CSMD1: variants seen among roughly 807,000 people sequenced by gnomAD.
CSMD1 encodes CUB and Sushi multiple domains 1.
Under a neutral mutation model 417.5 loss-of-function variants are expected in CSMD1, and 213 were observed. The ratio of observed to expected loss-of-function variants is 0.51; its 90% confidence interval spans 0.46 to 0.57. The LOEUF (loss-of-function observed/expected upper bound fraction) is 0.57. Ranked by LOEUF, CSMD1 falls within the 20% of genes least tolerant of loss-of-function variation. The pLI is 0.00. For synonymous variants in CSMD1, 2,862 were observed against 1,736.8 expected, an observed-to-expected ratio of 1.65 and a Z score of -16.11; for missense variants, 6,923 against 4,529.7, an observed-to-expected ratio of 1.53 and a Z score of -15.17.
chr8:4,225,257 T>C (rs910705970), intron 3 of CSMD1, among the ~76,000 whole-genome samples: 3 of 152,234 alleles, frequency 2.0e-5, no homozygotes, highest in Admixed American at 1.3e-4. Context: ...AACCATCATT[T>C]TCTTCAAAAT....
At chr8:3,937,713 T>C (rs907821005) in intron 5 of CSMD1, among the ~76,000 whole-genome samples, 3 of 152,174 alleles carry the variant, frequency 2.0e-5, no homozygotes, top group Admixed American at 6.6e-5. Flanking sequence ...TCAGACATTA[T>C]AGTTTCCACA....
chr8:4,479,393 A>C (rs1443174179), intron 2 of CSMD1, among the ~76,000 whole-genome samples: 1 of 151,928 alleles, frequency 6.6e-6, no homozygotes, highest in Non-Finnish European at 1.5e-5. Flanking sequence ...GTTAGCAGGT[A>C]GAGCTTTCAC....
chr8:3,386,080 A>G (rs181367370), intron 18 of CSMD1, among the ~76,000 whole-genome samples: 1 of 152,296 alleles, frequency 6.6e-6, no homozygotes, highest in East Asian at 1.9e-4. Flanking sequence ...TATCAATACA[A>G]TGTCTAAATT....
intron 3 of CSMD1, among the ~76,000 whole-genome samples, chr8:4,327,531 G>A (rs951462378): frequency 1.3e-5 from 2 of 152,114 alleles, no homozygotes; most frequent in Non-Finnish European, 2.9e-5. Flanking sequence ...GTGTCAGGCT[G>A]TTCCAGCTCC....
At chr8:3,698,137 T>G (rs1172034887) in intron 7 of CSMD1, among the ~76,000 whole-genome samples, 13 of 152,226 alleles carry the variant, frequency 8.5e-5, no homozygotes, top group Admixed American at 8.5e-4. Context: ...CCAGTGATGC[T>G]GTTCTCAAAT....
chr8:3,279,486 A>C (rs1056791215), intron 26 of CSMD1, among the ~76,000 whole-genome samples: 8 of 152,344 alleles, frequency 5.3e-5, no homozygotes, highest in African/African-American at 1.7e-4. Context: ...GGTCCTTTAC[A>C]GAACTGTATT....
intron 3 of CSMD1, among the ~76,000 whole-genome samples, chr8:4,274,000 T>C (rs531660962): frequency 6.6e-6 from 1 of 152,166 alleles, no homozygotes. Context: ...GATAACCGCA[T>C]GCATTTTTTC....
intron 26 of CSMD1, among the ~76,000 whole-genome samples, chr8:3,262,883 A>C (rs1033644613): frequency 6.6e-6 from 1 of 152,240 alleles, no homozygotes; most frequent in African/African-American, 2.4e-5. Flanking sequence ...TTTATTTTGT[A>C]CAAGAGGGAA....
At chr8:3,515,690 A>G (rs1163394357) in intron 10 of CSMD1, among the ~76,000 whole-genome samples, 1 of 152,180 alleles carries the variant, frequency 6.6e-6, no homozygotes, top group Non-Finnish European at 1.5e-5. Context: ...ATCATCACAT[A>G]TTCTAGGCCA....
At chr8:4,122,395 A>T (rs1164113244) in intron 3 of CSMD1, among the ~76,000 whole-genome samples, 1 of 152,226 alleles carries the variant, frequency 6.6e-6, no homozygotes, top group Non-Finnish European at 1.5e-5. Flanking sequence ...GCTGTACACC[A>T]ACATGATCCC....
chr8:3,655,160 A>G (rs930550342), intron 7 of CSMD1, among the ~76,000 whole-genome samples: 1 of 152,204 alleles, frequency 6.6e-6, no homozygotes, highest in South Asian at 2.1e-4. Context: ...CTTGCTTTTG[A>G]CTTTGTTCCA....
chr8:4,010,535 A>G (rs1407257433), intron 4 of CSMD1, among the ~76,000 whole-genome samples: 1 of 151,392 alleles, frequency 6.6e-6, no homozygotes. Flanking sequence ...TCCCATCATC[A>G]CCCTCTATCT....
At chr8:3,274,035 G>A (rs1275657668) in intron 26 of CSMD1, among the ~76,000 whole-genome samples, 1 of 149,024 alleles carries the variant, frequency 6.7e-6, no homozygotes, top group Non-Finnish European at 1.5e-5. Flanking sequence ...GTCAATTTTG[G>A]ATCTTTCCTG....
At chr8:3,897,005 T>G (rs887411573) in intron 5 of CSMD1, among the ~76,000 whole-genome samples, 19 of 152,192 alleles carry the variant, frequency 1.2e-4, no homozygotes, top group Admixed American at 5.2e-4. Flanking sequence ...TCCATTTCTC[T>G]TGAGCAACTT....
intron 21 of CSMD1, among the ~76,000 whole-genome samples, chr8:3,348,812 C>G (rs566873365): frequency 6.6e-6 from 1 of 152,288 alleles, no homozygotes; most frequent in African/African-American, 2.4e-5. Context: ...TTCCTCTTAT[C>G]AAGGTAAAAG....
chr8:4,870,072 G>A (rs562850630), intron 1 of CSMD1, among the ~76,000 whole-genome samples: 1 of 152,142 alleles, frequency 6.6e-6, no homozygotes, highest in African/African-American at 2.4e-5. Context: ...CAAGACTTTT[G>A]TGAATAAAAG....
At chr8:3,713,126 G>A (rs901669793) in intron 6 of CSMD1, among the ~76,000 whole-genome samples, 3 of 152,066 alleles carry the variant, frequency 2.0e-5, no homozygotes, top group Non-Finnish European at 4.4e-5. Context: ...AATTATGGGG[G>A]AAATATTTTT....
At chr8:4,701,749 T>C (rs1807570157) in intron 1 of CSMD1, among the ~76,000 whole-genome samples, 1 of 143,878 alleles carries the variant, frequency 7.0e-6, no homozygotes, top group Non-Finnish European at 1.5e-5. Flanking sequence ...CTTTTAAGTG[T>C]TACTTTCTTC....
intron 2 of CSMD1, among the ~76,000 whole-genome samples, chr8:4,479,070 T>C (rs910923826): frequency 1.3e-5 from 2 of 152,148 alleles, no homozygotes; most frequent in African/African-American, 4.8e-5. Flanking sequence ...ATTCAAATGT[T>C]TACGTGTGTA....
Sources: gnomAD v4.1 joint callset for allele counts (sites outside exome capture counted in the v4.1 genomes callset) on GRCh38, gnomAD v4.1.1 for gene constraint, MANE v1.5 for transcripts, NCBI Gene and HGNC (gene_info 2026-07-23, HGNC 2026-07-21) for gene names.